Variants in TBC1D1 observed in about 807,000 individuals in gnomAD.
TBC1D1 encodes the protein TBC1 domain family member 1, also known as TBC1 (tre-2/USP6, BUB2, cdc16) domain family, member 1.
TBC1D1 carries 89 observed loss-of-function variants against 125.6 expected under a neutral mutation model. The observed-to-expected ratio is 0.71, with a 90% confidence interval of 0.60 to 0.85. TBC1D1 has a LOEUF of 0.85. Among genes scored for constraint, TBC1D1 ranks in the 40% least tolerant of loss-of-function variants. The pLI, the probability that TBC1D1 is intolerant of heterozygous loss-of-function variation, is 0.00. For missense variants in TBC1D1, 1,377 were observed against 1,469.2 expected, an observed-to-expected ratio of 0.94 and a Z score of 1.03; for synonymous variants, 565 against 564.1, an observed-to-expected ratio of 1.00 and a Z score of -0.02.
intron 14 of TBC1D1, among the ~76,000 whole-genome samples, chr4:38,100,740 A>G (rs1345092524): frequency 2.0e-5 from 3 of 152,236 alleles, no homozygotes; most frequent in Non-Finnish European, 4.4e-5. Context: ...AAAGGGAAAG[A>G]AGAAAGTACT....
rs1760657544 is a variant in TBC1D1, at chr4:38,103,036, T to C, written c.2436T>C (p.Phe812=). 3.1e-6 allele frequency: 5 copies of C among 1,614,176 alleles called. No individual in the cohort carries two copies. Among genetic ancestry groups the C allele is most frequent in the Non-Finnish European group, 3.4e-6 (4 of 1,180,020 alleles). ...ATCACCGAGGTGAAATCTGGAAATTTCTAGCTGAGCAATTCCACCTTAAAC... is the reference window on the plus strand; with the variant it reads ...ATCACCGAGGTGAAATCTGGAAATTCCTAGCTGAGCAATTCCACCTTAAAC... Residue 812 remains phenylalanine (F), a synonymous_variant, in exon 15 of 20, where the codon TTT becomes TTC. Transcript: ENST00000261439.
chr4:37,971,078 G>A (rs1381468611), intron 2 of TBC1D1, among the ~76,000 whole-genome samples: 2 of 152,106 alleles, frequency 1.3e-5, no homozygotes, highest in African/African-American at 4.8e-5. Context: ...GTTTGTTTTG[G>A]TGGGGATATG....
chr4:37,946,884 T>A (rs1726806254), intron 2 of TBC1D1, among the ~76,000 whole-genome samples: 1 of 152,182 alleles, frequency 6.6e-6, no homozygotes, highest in African/African-American at 2.4e-5. Context: ...AAAATGCATG[T>A]CCACATCGTC....
chr4:37,895,648 G>A (rs1560445308), intron 1 of TBC1D1, among the ~76,000 whole-genome samples: 1 of 152,178 alleles, frequency 6.6e-6, no homozygotes, highest in Non-Finnish European at 1.5e-5. Context: ...AGGATGCAGT[G>A]AGCTGAGATC....
In TBC1D1 at chr4:38,014,890, A is replaced by G; in HGVS notation, c.799A>G (p.Ser267Gly). 8 of 1,604,142 alleles carry G rather than the reference A, an allele frequency of 5.0e-6. No homozygotes were observed. In the South Asian group the frequency reaches 7.7e-5, roughly 15 times the overall value. Residue 267 changes from serine to glycine, a missense_variant, in exon 3 of 20, where the codon AGC (serine) becomes GGC (glycine). Ser to Gly is a moderately conservative substitution (Grantham distance 56). This residue lies in a region of TBC1D1 where 822 missense variants were observed against 824.6 expected (regional missense o/e 1.00). Transcript: ENST00000261439. This position sits in a 1 kb window ranked among gnomAD's most constrained non-coding sequence, Gnocchi z 5.1. Reference sequence around the variant, plus strand: ...CGGCTTCTTCAGCTCCTTCGAGGAGAGCGACATTGAGAACCACCTCATTAG... The same window carrying G: ...CGGCTTCTTCAGCTCCTTCGAGGAGGGCGACATTGAGAACCACCTCATTAG...
rs961539380 is a variant in TBC1D1, at chr4:38,138,556, G to A, written c.*1221G>A. ...AGTGACTCTCCTCTCTCAGGATGAC[G>A]AGGACCTGTGCCTTCAACAAGCAAA... is the stretch of plus-strand genomic sequence containing the variant. On this transcript the variant is annotated 3_prime_UTR_variant, in exon 20 of 20. Transcript: ENST00000261439. The A allele has an allele frequency of 2.6e-5, 4 of 152,568 alleles. No individual in the cohort carries two copies. Among genetic ancestry groups the A allele is most frequent in the South Asian group, 2.1e-4 (1 of 4,832 alleles). The allele number at this position is 152,568 out of a possible 1,614,324, so 9.5% of individuals were successfully genotyped here.
chr4:38,115,858 T>C lies in TBC1D1; in HGVS notation c.2706T>C (p.Leu902=), dbSNP rs774002020. The C allele has an allele frequency of 1.2e-6, 2 of 1,614,184 alleles. No homozygotes were observed. Among genetic ancestry groups the C allele is most frequent in the Admixed American group, 3.3e-5 (2 of 60,024 alleles). The change falls in exon 16 of 20, where the codon CTT becomes CTC. Residue 902 remains leucine, a synonymous_variant. Transcript: ENST00000261439. The stretch of plus-strand genomic sequence containing the variant: ...GCTTTGTAGCAGGCATTTTGCTTCT[T>C]CATATGAGTGAGGAAGAGGCGTTTA...
chr4:37,905,071 G>A (rs1717021630), intron 2 of TBC1D1, among the ~76,000 whole-genome samples: 1 of 152,228 alleles, frequency 6.6e-6, no homozygotes, highest in Non-Finnish European at 1.5e-5. Flanking sequence ...TACAGTTTGC[G>A]AGGAAACCCT....
chr4:37,926,693 C>T (rs988794770), intron 2 of TBC1D1, among the ~76,000 whole-genome samples: 4 of 152,228 alleles, frequency 2.6e-5, no homozygotes, highest in Non-Finnish European at 4.4e-5. Flanking sequence ...GCTACTTGGA[C>T]GTGGACATCG....
At chr4:38,045,707 A>G (rs1274046607) in intron 9 of TBC1D1, 110 bp from the exon 10 acceptor site, 2 of 729,784 alleles carry the variant, frequency 2.7e-6, no homozygotes, top group Non-Finnish European at 4.9e-6. Flanking sequence ...AGCATTTCTC[A>G]GTAGATAACA....
intron 2 of TBC1D1, among the ~76,000 whole-genome samples, chr4:37,921,890 A>G (rs763899411): frequency 7.2e-6 from 1 of 138,618 alleles, no homozygotes; most frequent in Non-Finnish European, 1.6e-5. Context: ...CGTGCACACC[A>G]TACCCAGCTA....
rs531314495 is a variant in TBC1D1 at position 38,059,324 on chromosome 4, G to C, written c.2050+4986G>C. On this transcript the variant is annotated intron_variant, in intron 12 of 19. Coordinates refer to ENST00000261439, the MANE Select transcript of TBC1D1 (RefSeq NM_015173.4). The stretch of plus-strand genomic sequence containing the variant: ...TAATCCTGAACCTCAGAGGGTCCCT[G>C]CTTCTCAAATACTAAGTAGGTCACG... Among the ~76,000 whole-genome samples, 6 of 152,282 alleles carry C rather than the reference G, an allele frequency of 3.9e-5. No homozygotes were observed. In the South Asian group the frequency reaches 1.2e-3, roughly 32 times the overall value.
chr4:38,114,064 C>CACAG lies in TBC1D1; in HGVS notation c.2558-1646_2558-1645insACAG, dbSNP rs1553941740. Among the ~76,000 whole-genome samples the CACAG allele has an allele frequency of 6.2e-4, 94 of 151,916 alleles. 1 individual carries two copies. Among genetic ancestry groups the CACAG allele is most frequent in the Middle Eastern group, 3.4e-3 (1 of 292 alleles). ...TTCTACACACACACACACACACACACCTGCACACAACCTAGAGGGGTCAGA... is the reference window on the plus strand; with the variant it reads ...TTCTACACACACACACACACACACACACAGCTGCACACAACCTAGAGGGGTCAGA... On this transcript the variant is annotated intron_variant, in intron 15 of 19. Coordinates refer to ENST00000261439, the MANE Select transcript of TBC1D1 (RefSeq NM_015173.4).
chr4:37,938,838 C>T (rs1252009998), intron 2 of TBC1D1, among the ~76,000 whole-genome samples: 1 of 152,188 alleles, frequency 6.6e-6, no homozygotes, highest in Non-Finnish European at 1.5e-5. Context: ...ATCCATGTCC[C>T]TACAAAGGAC....
chr4:37,958,548 C>G (rs1729349154), intron 2 of TBC1D1, among the ~76,000 whole-genome samples: 1 of 152,166 alleles, frequency 6.6e-6, no homozygotes, highest in Non-Finnish European at 1.5e-5. Context: ...AGCATTCCAT[C>G]TCTCCTAGCT....
chr4:37,898,506 G>A (rs1284965557), intron 1 of TBC1D1, among the ~76,000 whole-genome samples: 1 of 152,156 alleles, frequency 6.6e-6, no homozygotes, highest in African/African-American at 2.4e-5. Flanking sequence ...GATAGAAATA[G>A]AGTCTTCCTC....
intron 10 of TBC1D1, among the ~76,000 whole-genome samples, chr4:38,047,985 A>G (rs936129349): frequency 3.3e-5 from 5 of 152,184 alleles, no homozygotes; most frequent in Admixed American, 3.3e-4. Flanking sequence ...TTCATTCTTC[A>G]GGACTCGATA....
intron 12 of TBC1D1, among the ~76,000 whole-genome samples, chr4:38,056,815 G>C (rs10031495): frequency 4.7e-5 from 7 of 149,234 alleles, no homozygotes; most frequent in Non-Finnish European, 7.4e-5. Flanking sequence ...CTCGCGGGGT[G>C]GGGGAGTCAT....
chr4:38,053,665 A>G (rs1479627630), intron 11 of TBC1D1, among the ~76,000 whole-genome samples: 1 of 152,228 alleles, frequency 6.6e-6, no homozygotes, highest in Non-Finnish European at 1.5e-5. Flanking sequence ...TATATTGATA[A>G]CTGTATTTTG....
Sources: gnomAD v4.1 joint callset for allele counts (sites outside exome capture counted in the v4.1 genomes callset) on GRCh38, gnomAD v4.1.1 for gene constraint, gnomAD v4.1.1 regional missense constraint, Gnocchi (gnomAD v3.1) non-coding constraint, MANE v1.5 for transcripts, NCBI Gene and HGNC (gene_info 2026-07-23, HGNC 2026-07-21) for gene names.